The following WDR44 variants were observed in gnomAD, a reference collection of about 807,000 sequenced individuals.
WDR44 encodes WD repeat domain 44.
WDR44 carries 9 observed loss-of-function variants against 65.7 expected under a neutral mutation model. The observed-to-expected ratio is 0.14, with a 90% CI of 0.08 to 0.24. The LOEUF is 0.24. Among genes scored for constraint, WDR44 ranks in the 10% least tolerant of loss-of-function variants. The pLI is 1.00. For synonymous variants in WDR44, 220 were observed against 235.2 expected, an observed-to-expected ratio of 0.94 and a Z score of 0.59; for missense variants, 425 against 670.9, an observed-to-expected ratio of 0.63 and a Z score of 4.05.
intron 8 of WDR44, among the ~76,000 whole-genome samples, chrX:118,400,872 A>G (rs2056907172): frequency 2.2e-5 from 2 of 90,778 alleles, no homozygotes; most frequent in South Asian, 5.7e-4. Context: ...TCCTGAGTCC[A>G]TGTGATCTCA....
At chrX:118,441,708 A>G in intron 15 of WDR44, 149 bp downstream of exon 15, 1 of 524,137 alleles carries the variant, frequency 1.9e-6, no homozygotes. Flanking sequence ...GAGTTGGAAC[A>G]GATGACTTTT....
intron 17 of WDR44, among the ~76,000 whole-genome samples, 165 bp from the exon 18 acceptor site, chrX:118,443,395 C>T (rs1263381194): frequency 8.9e-6 from 1 of 111,997 alleles, no homozygotes; most frequent in African/African-American, 3.2e-5. Context: ...CTACATCACA[C>T]GTACACATTT....
chrX:118,390,121 C>T (rs1466637828), intron 3 of WDR44, among the ~76,000 whole-genome samples: 2 of 108,722 alleles, frequency 1.8e-5, no homozygotes, highest in African/African-American at 6.7e-5. Context: ...GGGGTTTCAC[C>T]ATGTTGGCCA....
intron 2 of WDR44, chrX:118,386,366 T>C (rs1025114922): frequency 3.6e-5 from 13 of 357,844 alleles, no homozygotes; most frequent in Non-Finnish European, 7.1e-5. Context: ...CCTAATTTTT[T>C]CCAGCAGAAA....
chrX:118,378,974 A>T (rs1294352742), intron 2 of WDR44, among the ~76,000 whole-genome samples: 3 of 109,034 alleles, frequency 2.8e-5, no homozygotes, highest in Admixed American at 2.0e-4. Flanking sequence ...AACCCAGGAA[A>T]TGGAGGCTGC....
At chrX:118,369,019 T>C (rs747720592) in intron 1 of WDR44, among the ~76,000 whole-genome samples, 42 of 106,289 alleles carry the variant, frequency 4.0e-4, no homozygotes, top group Non-Finnish European at 6.9e-4. Context: ...TGAGCCACCA[T>C]GCCTGGCCAA....
intron 1 of WDR44, among the ~76,000 whole-genome samples, chrX:118,353,584 A>G (rs1460535903): frequency 3.6e-5 from 4 of 112,121 alleles, no homozygotes; most frequent in Non-Finnish European, 5.6e-5. Flanking sequence ...TTTTAAACAT[A>G]TATAATTTAA....
At chrX:118,443,745 T>C (rs1392511126) in intron 18 of WDR44, 58 bp downstream of exon 18, 1 of 1,109,196 alleles carries the variant, frequency 9.0e-7, no homozygotes, top group East Asian at 3.1e-5. Flanking sequence ...AGTGGATATA[T>C]ACTAGAAGTA....
At chrX:118,352,716 C>A (rs973211832) in intron 1 of WDR44, among the ~76,000 whole-genome samples, 9 of 109,683 alleles carry the variant, frequency 8.2e-5, no homozygotes, top group Non-Finnish European at 1.7e-4. Context: ...TGCTTGTTTC[C>A]TCCTCATACT....
chrX:118,433,589 C>T (rs1314861313), intron 13 of WDR44, among the ~76,000 whole-genome samples: 1 of 111,494 alleles, frequency 9.0e-6, no homozygotes, highest in Non-Finnish European at 1.9e-5. Context: ...TTAACCTCAC[C>T]ATGCCTCATC....
intron 15 of WDR44, 143 bp from the exon 16 acceptor site, chrX:118,442,101 G>C (rs1245007728): frequency 2.2e-6 from 1 of 465,046 alleles, no homozygotes; most frequent in Admixed American, 3.6e-5. Context: ...GAGCGTAGTG[G>C]TGCAATTGTT....
intron 1 of WDR44, among the ~76,000 whole-genome samples, chrX:118,352,768 G>A (rs1407126411): frequency 9.1e-6 from 1 of 109,887 alleles, no homozygotes; most frequent in East Asian, 2.9e-4. Flanking sequence ...TAGTGGAGGT[G>A]GAGGAAGGGA....
chrX:118,422,285 A>G (rs2057111649), intron 12 of WDR44, among the ~76,000 whole-genome samples: 1 of 110,639 alleles, frequency 9.0e-6, no homozygotes, highest in Admixed American at 9.7e-5. Flanking sequence ...TAGTCCAGCT[A>G]CTTGAGAGGC....
At chrX:118,359,114 C>T (rs1241438049) in intron 1 of WDR44, among the ~76,000 whole-genome samples, 5 of 112,131 alleles carry the variant, frequency 4.5e-5, no homozygotes, top group Non-Finnish European at 9.4e-5. Context: ...CTTGATAAAG[C>T]TTCTGTAATA....
chrX:118,391,360 G>C (rs2056818706), intron 3 of WDR44, among the ~76,000 whole-genome samples: 1 of 111,711 alleles, frequency 9.0e-6, no homozygotes, highest in Non-Finnish European at 1.9e-5. Context: ...GTGAAAGCAA[G>C]GTAATTTCTA....
intron 18 of WDR44, among the ~76,000 whole-genome samples, chrX:118,444,044 T>TA (rs1223217551): frequency 6.3e-5 from 6 of 95,599 alleles, no homozygotes; most frequent in Admixed American, 6.0e-4. Context: ...AGATTCCGTC[T>TA]AAAAAAAAGA....
chrX:118,369,335 C>T (rs2056587139), intron 1 of WDR44, among the ~76,000 whole-genome samples: 1 of 106,693 alleles, frequency 9.4e-6, no homozygotes, highest in Non-Finnish European at 1.9e-5. Flanking sequence ...CCATGCCCGG[C>T]TAATTTTTTG....
chrX:118,402,034 AAATC>A (rs2056921573), intron 8 of WDR44, among the ~76,000 whole-genome samples: 1 of 109,572 alleles, frequency 9.1e-6, no homozygotes, highest in Non-Finnish European at 1.9e-5. Flanking sequence ...TTTTTTTAGA[AAATC>A]AAATATATCA....
chrX:118,399,305 T>G (rs763371199), intron 8 of WDR44, among the ~76,000 whole-genome samples: 1 of 112,447 alleles, frequency 8.9e-6, no homozygotes, highest in East Asian at 2.8e-4. Flanking sequence ...TACAAACTTC[T>G]AGATCAATGG....
Sources: gnomAD v4.1 joint callset for allele counts (sites outside exome capture counted in the v4.1 genomes callset) on GRCh38, gnomAD v4.1.1 for gene constraint, MANE v1.5 for transcripts, NCBI Gene and HGNC (gene_info 2026-07-23, HGNC 2026-07-21) for gene names.